The following IQSEC1 variants were observed in gnomAD, a reference collection of about 807,000 sequenced individuals.
IQSEC1 encodes IQ motif and SEC7 domain-containing protein 1.
Under a neutral mutation model 91.0 loss-of-function variants are expected in IQSEC1, and 31 were observed. The observed-to-expected ratio is 0.34, with a 90% CI of 0.26 to 0.46. The LOEUF (loss-of-function observed/expected upper bound fraction) is 0.46. Among genes scored for constraint, IQSEC1 ranks in the 20% least tolerant of loss-of-function variants. The pLI, the probability that IQSEC1 is intolerant of heterozygous loss-of-function variation, is 1.00. For missense variants in IQSEC1, 1,388 were observed against 1,575.6 expected (o/e 0.88, Z 2.02); for synonymous variants, 699 against 662.6 (o/e 1.05, Z -0.84).
At chr3:13,041,722 G>T (rs1402592465) in intron 1 of IQSEC1, among the ~76,000 whole-genome samples, 2 of 152,170 alleles carry the variant, frequency 1.3e-5, no homozygotes, top group Admixed American at 1.3e-4. Flanking sequence ...ACCTCAGGGA[G>T]CAGTCCCCAA....
intron 2 of IQSEC1, among the ~76,000 whole-genome samples, chr3:13,084,465 C>T (rs1222951345): frequency 6.6e-6 from 1 of 152,130 alleles, no homozygotes; most frequent in East Asian, 1.9e-4. Context: ...CAGTTTTAGG[C>T]ACCAGGACTT....
At chr3:13,241,485 C>T (rs1011342218) in intron 1 of IQSEC1, among the ~76,000 whole-genome samples, 30 of 152,236 alleles carry the variant, frequency 2.0e-4, no homozygotes, top group African/African-American at 6.0e-4. Context: ...TCAGCTTAGA[C>T]GCTTCACCCA....
chr3:13,086,304 C>T (rs1217206204), intron 2 of IQSEC1, among the ~76,000 whole-genome samples: 2 of 149,700 alleles, frequency 1.3e-5, no homozygotes, highest in East Asian at 4.2e-4. Flanking sequence ...CCCACCGTGG[C>T]GGGGATGACA....
chr3:13,075,210 A>G (rs1576238859), upstream of IQSEC1, among the ~76,000 whole-genome samples: 3 of 152,258 alleles, frequency 2.0e-5, no homozygotes, highest in Middle Eastern at 3.4e-3. Flanking sequence ...AAATTCAGCC[A>G]CTGCATCAGG....
intron 1 of IQSEC1, among the ~76,000 whole-genome samples, chr3:12,984,872 T>G (rs866579513): frequency 3.0e-4 from 42 of 138,244 alleles, no homozygotes; most frequent in Middle Eastern, 3.6e-3. Context: ...TCGCCCAAGC[T>G]GGACTGCAGT....
intron 1 of IQSEC1, among the ~76,000 whole-genome samples, chr3:13,041,181 C>T (rs1199057379): frequency 2.0e-5 from 3 of 150,938 alleles, no homozygotes; most frequent in Admixed American, 1.3e-4. Flanking sequence ...CACTGACAGC[C>T]GGACATGCCC....
At chr3:12,914,927 G>A (rs1695929297) in intron 8 of IQSEC1, among the ~76,000 whole-genome samples, 177 bp downstream of exon 8, 1 of 152,052 alleles carries the variant, frequency 6.6e-6, no homozygotes, top group East Asian at 1.9e-4. Context: ...CAGCCTCAGG[G>A]CCTGCAGAGA....
intron 1 of IQSEC1, among the ~76,000 whole-genome samples, chr3:13,010,395 A>G (rs1337053714): frequency 6.6e-6 from 1 of 152,172 alleles, no homozygotes; most frequent in Non-Finnish European, 1.5e-5. Context: ...CCCCCTGCTC[A>G]AGTGACTGGT....
At chr3:12,953,375 C>T (rs1349315371) in intron 1 of IQSEC1, among the ~76,000 whole-genome samples, 2 of 152,220 alleles carry the variant, frequency 1.3e-5, no homozygotes, top group Non-Finnish European at 2.9e-5. Context: ...CTGACATGCC[C>T]CCGCCCTGGC....
intron 1 of IQSEC1, among the ~76,000 whole-genome samples, chr3:13,056,076 A>G (rs149356002): frequency 1.2e-3 from 184 of 152,242 alleles, no homozygotes; most frequent in South Asian, 1.9e-3. Flanking sequence ...GGCCATGTCC[A>G]ACTTCTCCTG....
chr3:12,910,966 G>A (rs998628107), intron 10 of IQSEC1, among the ~76,000 whole-genome samples: 3 of 152,230 alleles, frequency 2.0e-5, no homozygotes, highest in Admixed American at 1.3e-4. Context: ...AAGAGAAGCC[G>A]TGGAGAGTGA....
intron 12 of IQSEC1, among the ~76,000 whole-genome samples, chr3:12,904,204 C>T (rs527731683): frequency 1.3e-5 from 2 of 152,328 alleles, no homozygotes; most frequent in African/African-American, 2.4e-5. Flanking sequence ...GGCATGGCTT[C>T]GGCCTGGGCA....
intron 1 of IQSEC1, among the ~76,000 whole-genome samples, chr3:12,990,451 G>T (rs1189600457): frequency 6.6e-6 from 1 of 152,206 alleles, no homozygotes; most frequent in Non-Finnish European, 1.5e-5. Context: ...TCACAGTCTG[G>T]AAGAAGAAAT....
chr3:13,234,855 G>T (rs1332441363), intron 1 of IQSEC1, among the ~76,000 whole-genome samples: 1 of 152,212 alleles, frequency 6.6e-6, no homozygotes, highest in East Asian at 1.9e-4. Flanking sequence ...CTCCCCGCAT[G>T]AAAGCTAATA....
intron 1 of IQSEC1, among the ~76,000 whole-genome samples, chr3:13,190,172 C>A (rs549739976): frequency 2.6e-5 from 4 of 152,208 alleles, no homozygotes; most frequent in African/African-American, 7.2e-5. Flanking sequence ...AACCCTCCCC[C>A]CAACCCCAGA....
At position 12,900,820 on chromosome 3, in the gene IQSEC1, C is replaced by T. The variant is rs1031878506; in HGVS notation, c.*163G>A. ...AAATCTGGGCCTTTGTTCCACACAA[C>T]ACCAGCCCTGTGGGCTCCTGGGGCT... is the stretch of plus-strand genomic sequence containing the variant. On this transcript the variant is annotated 3_prime_UTR_variant, in exon 14 of 14. Transcript: ENST00000613206. 7 of 1,496,932 alleles carry T rather than the reference C, an allele frequency of 4.7e-6. No individual in the cohort carries two copies. The South Asian group carries it at 5.2e-5, about 11-fold the overall frequency. The allele number at this position is 1,496,932 out of a possible 1,614,324, so 92.7% of individuals were successfully genotyped here. A position where few individuals can be genotyped will look rare whatever the true frequency, so the allele number is the denominator to read the frequency against.
At chr3:13,179,827 C>G (rs573272079) in intron 1 of IQSEC1, among the ~76,000 whole-genome samples, 13 of 152,340 alleles carry the variant, frequency 8.5e-5, no homozygotes, top group African/African-American at 2.9e-4. Flanking sequence ...TGGGCATGGG[C>G]TCGGCGGGCC....
intron 1 of IQSEC1, among the ~76,000 whole-genome samples, chr3:13,071,153 G>GTTTTTTTTTTTTTTTTT (rs796412810): frequency 3.3e-5 from 3 of 90,972 alleles, no homozygotes; most frequent in Non-Finnish European, 6.9e-5. Flanking sequence ...GTTTTTTTTT[G>GTTTTTTTTTTTTTTTTT]TTTTTTTTTT....
chr3:13,082,925 T>A (rs1046543611), intron 2 of IQSEC1, among the ~76,000 whole-genome samples: 2 of 152,222 alleles, frequency 1.3e-5, no homozygotes, highest in African/African-American at 4.8e-5. Context: ...TCATTGGGAA[T>A]GCTCTTCCTC....
Sources: allele counts gnomAD v4.1 joint callset (sites outside exome capture counted in the v4.1 genomes callset), GRCh38; gene constraint gnomAD v4.1.1; transcripts MANE v1.5; gene names NCBI Gene and HGNC (gene_info 2026-07-23, HGNC 2026-07-21).